Variants in SCGN observed in about 807,000 individuals in gnomAD.
SCGN encodes the protein secretagogin.
A neutral mutation model predicts 39.7 loss-of-function variants in SCGN; 30 were observed. The observed-to-expected ratio is 0.76, with a 90% CI of 0.57 to 1.03. The LOEUF (loss-of-function observed/expected upper bound fraction) is 1.03, where lower values mean the gene tolerates loss of function less well. Ranked by LOEUF, SCGN falls within the 50% of genes least tolerant of loss-of-function variation. The pLI, the probability that SCGN is intolerant of heterozygous loss-of-function variation, is 0.00. For missense variants in SCGN, 353 were observed against 349.4 expected (o/e 1.01, Z -0.08); for synonymous variants, 106 against 114.1 (o/e 0.93, Z 0.45).
intron 9 of SCGN, among the ~76,000 whole-genome samples, chr6:25,689,846 C>T (rs1237940382): frequency 6.6e-6 from 1 of 151,974 alleles, no homozygotes; most frequent in Non-Finnish European, 1.5e-5. Context: ...AAACATACAA[C>T]CCTCCCACCC....
intron 5 of SCGN, among the ~76,000 whole-genome samples, 190 bp from the exon 6 acceptor site, chr6:25,669,809 G>A (rs1452212410): frequency 2.6e-5 from 4 of 152,166 alleles, no homozygotes; most frequent in African/African-American, 9.7e-5. Context: ...TCACGCTGGA[G>A]CTATTCCCTG....
intron 7 of SCGN, among the ~76,000 whole-genome samples, chr6:25,688,539 C>T (rs901574849): frequency 3.3e-5 from 5 of 152,166 alleles, no homozygotes; most frequent in African/African-American, 1.2e-4. Flanking sequence ...CCGTGGCTCA[C>T]GCCTGTAATC....
At chr6:25,671,236 A>G (rs1759495095) in intron 6 of SCGN, among the ~76,000 whole-genome samples, 1 of 152,232 alleles carries the variant, frequency 6.6e-6, no homozygotes, top group South Asian at 2.1e-4. Context: ...TCTGATGACT[A>G]AGGCTTAGAA....
intron 10 of SCGN, among the ~76,000 whole-genome samples, chr6:25,692,845 T>C (rs886447610): frequency 1.3e-5 from 2 of 152,188 alleles, no homozygotes; most frequent in African/African-American, 4.8e-5. Flanking sequence ...TTTGATTCTC[T>C]TCCCTTCTTT....
At chr6:25,660,474 A>G (rs928885450) in intron 2 of SCGN, among the ~76,000 whole-genome samples, 3 of 152,168 alleles carry the variant, frequency 2.0e-5, no homozygotes, top group African/African-American at 7.2e-5. Flanking sequence ...TCTGGGTTTT[A>G]TACCTGAAAG....
chr6:25,691,094 G>T lies in SCGN; in HGVS notation c.672G>T (p.Gly224=), dbSNP rs1174126631. The T allele has an allele frequency of 3.7e-6, 6 of 1,613,756 alleles. No individual in the cohort carries two copies. The highest frequency in any genetic ancestry group is 5.1e-6 in the Non-Finnish European group (6 of 1,179,796). ...TGALEGPEVD[G]FVKDMMELVQ... is the part of the protein sequence containing the mutation. ...CCCTGGAAGGCCCAGAAGTGGATGG[G>T]TTTGTCAAAGACATGATGGAGCTTG... Residue 224 remains glycine, a synonymous_variant, in exon 10 of 11, where the codon GGG becomes GGT. Coordinates refer to ENST00000377961, the MANE Select transcript of SCGN (RefSeq NM_006998.4).
Position 25,701,322 on chromosome 6 carries a change from A to C in SCGN, c.818A>C (p.Lys273Thr). The C allele has an allele frequency of 1.2e-6, 2 of 1,612,216 alleles. No individual in the cohort carries two copies. The highest frequency in any genetic ancestry group is 1.7e-6 in the Non-Finnish European group (2 of 1,179,270). Residue 273 changes from lysine to threonine, a missense_variant, in exon 11 of 11, where the codon AAA becomes ACA. Coordinates refer to ENST00000377961, the MANE Select transcript of SCGN (RefSeq NM_006998.4). Reference protein sequence around the residue: ...KSELALCLGLKINP With the variant: ...KSELALCLGLTINP ...GAGCTGGCTTTGTGTCTTGGGCTGA[A>C]AATCAACCCATAATCCCAGACTGCT...
At chr6:25,680,911 T>C (rs1418004128) in intron 6 of SCGN, among the ~76,000 whole-genome samples, 2 of 152,216 alleles carry the variant, frequency 1.3e-5, no homozygotes, top group African/African-American at 4.8e-5. Flanking sequence ...GGGGGACTAA[T>C]GCATTTTTTA....
At chr6:25,690,601 G>T (rs1759762825) in intron 9 of SCGN, among the ~76,000 whole-genome samples, 1 of 152,128 alleles carries the variant, frequency 6.6e-6, no homozygotes, top group South Asian at 2.1e-4. Context: ...CAGACCAAAT[G>T]ATAATTCTAA....
intron 6 of SCGN, among the ~76,000 whole-genome samples, chr6:25,673,123 G>A (rs916565502): frequency 6.6e-6 from 1 of 152,192 alleles, no homozygotes; most frequent in African/African-American, 2.4e-5. Flanking sequence ...ACAAAATAAG[G>A]AACATTTGTC....
At chr6:25,675,020 G>A (rs902554165) in intron 6 of SCGN, among the ~76,000 whole-genome samples, 1 of 152,016 alleles carries the variant, frequency 6.6e-6, no homozygotes, top group African/African-American at 2.4e-5. Flanking sequence ...ATGGTGAGGT[G>A]GTAAATTAAA....
rs573792790 is a variant in SCGN at position 25,686,540 on chromosome 6, G to A, written c.528-2632G>A. On this transcript the variant is annotated intron_variant, in intron 7 of 10. Transcript: ENST00000377961. ...GATTCTTTGCCCAGTTGAAAAATTG[G>A]GCGATTTGTCCTTTTGTTGTTGAAC... Among the ~76,000 whole-genome samples the A allele has an allele frequency of 1.2e-4, 18 of 152,120 alleles. No homozygotes were observed. In the South Asian group the frequency reaches 3.3e-3, roughly 28 times the overall value.
chr6:25,671,304 A>G (rs1759495787), intron 6 of SCGN, among the ~76,000 whole-genome samples: 1 of 152,252 alleles, frequency 6.6e-6, no homozygotes, highest in African/African-American at 2.4e-5. Context: ...TAAAGATCAG[A>G]TAACTAAGAA....
At chr6:25,666,415 G>A (rs1760426242) in intron 4 of SCGN, among the ~76,000 whole-genome samples, 1 of 152,064 alleles carries the variant, frequency 6.6e-6, no homozygotes, top group South Asian at 2.1e-4. Flanking sequence ...ATCAGATGTA[G>A]ACAAAAGTTT....
chr6:25,676,441 C>T (rs1166988156), intron 6 of SCGN, among the ~76,000 whole-genome samples: 1 of 152,238 alleles, frequency 6.6e-6, no homozygotes, highest in Non-Finnish European at 1.5e-5. Flanking sequence ...CCTCCCCAGT[C>T]CTAGTCTTGC....
intron 6 of SCGN, among the ~76,000 whole-genome samples, chr6:25,674,911 T>C (rs1344008518): frequency 6.6e-6 from 1 of 152,232 alleles, no homozygotes; most frequent in African/African-American, 2.4e-5. Flanking sequence ...AATATTTACT[T>C]TTGTTAAATT....
chr6:25,701,569 C>T lies in SCGN; in HGVS notation c.*234C>T, dbSNP rs1759913664. ...TCCCTTGACCCTGGGCTTTCCTATCCTCCCAAAGACTCAGCTCCCCTGTTA... is the reference window on the plus strand; with the variant it reads ...TCCCTTGACCCTGGGCTTTCCTATCTTCCCAAAGACTCAGCTCCCCTGTTA... On this transcript the variant is annotated 3_prime_UTR_variant, in exon 11 of 11. Transcript: ENST00000377961. 3 of 374,400 alleles carry T rather than the reference C, an allele frequency of 8.0e-6. No individual in the cohort carries two copies. The South Asian group carries it at 1.5e-4, about 19-fold the overall frequency. 23.2% of individuals were successfully genotyped at this position (374,400 alleles called of 1,614,324 possible).
intron 6 of SCGN, 101 bp from the exon 7 acceptor site, chr6:25,681,850 A>T: frequency 1.0e-6 from 1 of 961,772 alleles, no homozygotes; most frequent in Non-Finnish European, 1.6e-6. Flanking sequence ...CAGCCAATTT[A>T]GGCAAATATG....
At chr6:25,699,175 T>C (rs1353099601) in intron 10 of SCGN, among the ~76,000 whole-genome samples, 3 of 152,210 alleles carry the variant, frequency 2.0e-5, no homozygotes, top group Non-Finnish European at 4.4e-5. Flanking sequence ...TCAAGGGGCT[T>C]GGAAATTTGA....
Sources: allele counts gnomAD v4.1 joint callset (sites outside exome capture counted in the v4.1 genomes callset), GRCh38; gene constraint gnomAD v4.1.1; transcripts MANE v1.5; gene names NCBI Gene and HGNC (gene_info 2026-07-23, HGNC 2026-07-21).